PCDHGA7: variants seen among roughly 807,000 people sequenced by gnomAD.
PCDHGA7 encodes the protein protocadherin gamma subfamily A, 7, also known as protocadherin gamma-A7.
Under a neutral mutation model 58.3 loss-of-function variants are expected in PCDHGA7, and 44 were observed. The observed-to-expected ratio is 0.75, with a 90% CI of 0.59 to 0.97. The LOEUF (loss-of-function observed/expected upper bound fraction) is 0.97, where lower values mean the gene tolerates loss of function less well. PCDHGA7 is among the 50% of genes least tolerant of loss of function. The pLI is 0.00. For synonymous variants in PCDHGA7, 516 were observed against 504.2 expected (o/e 1.02, Z -0.31); for missense variants, 1,266 against 1,188.7 (o/e 1.06, Z -0.96).
rs377060474 is a variant in PCDHGA7, at chr5:141,487,810, C to A, written c.2425-6997C>A. The A allele has an allele frequency of 7.4e-4, 1,055 of 1,417,844 alleles. 13 individuals carry two copies. In the South Asian group the frequency reaches 0.013, roughly 17 times the overall value. The allele number at this position is 1,417,844 out of a possible 1,614,324, so 87.8% of individuals were successfully genotyped here. A position where few individuals can be genotyped will look rare whatever the true frequency, so the allele number is the denominator to read the frequency against. ...ATTAACCAGAGTTGTCACAGTTTAG[C>A]ATTGGGGGCGGGTCATGCCTATATC... On this transcript the variant is annotated intron_variant, in intron 1 of 3. Transcript: ENST00000518325. The surrounding 1 kb of genome is among the most constrained non-coding windows in gnomAD (Gnocchi z 5.0).
rs375166529 is a variant in PCDHGA7, at chr5:141,399,734, C to G, written c.2424+14411C>G. The G allele has an allele frequency of 3.7e-6, 6 of 1,613,220 alleles. No homozygotes were observed. The African/African-American group carries it at 4.0e-5, about 11-fold the overall frequency. ...CTACAGGCCCGCGACCAGGGCTCGC[C>G]TGCGCTCAGCGCAAACGTGAGCCTG... On this transcript the variant is annotated intron_variant, in intron 1 of 3. Transcript: ENST00000518325.
Position 141,403,510 on chromosome 5 carries a change from C to T in PCDHGA7, c.2424+18187C>T, listed in dbSNP as rs201146573. ...TCTCCCTGAACGTGCAGACTGGAGA[C>T]AATGGAGCCATAAACCCAGAGCTGG... On this transcript the variant is annotated intron_variant, in intron 1 of 3. Transcript: ENST00000518325. 9.2e-4 allele frequency: 1,478 copies of T among 1,614,022 alleles called. 1 individual carries two copies. Among genetic ancestry groups the T allele is most frequent in the Non-Finnish European group, 1.2e-3 (1,414 of 1,179,888 alleles).
chr5:141,511,823 GC>G lies in PCDHGA7; in HGVS notation c.*653del, dbSNP rs2099883963. On this transcript the variant is annotated 3_prime_UTR_variant, in exon 4 of 4. Coordinates refer to ENST00000518325, the MANE Select transcript of PCDHGA7 (RefSeq NM_018920.4). The stretch of plus-strand genomic sequence containing the variant: ...TTTTGCTACCAAGCCTCTTCCCAAC[GC>G]CCTGGGGACCAGTCTTCTGTTTTGT... The G allele has an allele frequency of 6.4e-6, 1 of 156,728 alleles. No individual in the cohort carries two copies. The highest frequency in any genetic ancestry group is 1.9e-4 in the South Asian group (1 of 5,164). 9.7% of individuals were successfully genotyped at this position (156,728 alleles called of 1,614,324 possible).
rs1375121802 is a variant in PCDHGA7 at position 141,432,471 on chromosome 5, G to A, written c.2424+47148G>A. 2 of 1,614,094 alleles carry A rather than the reference G, an allele frequency of 1.2e-6. No homozygotes were observed. Among genetic ancestry groups the A allele is most frequent in the African/African-American group, 2.7e-5 (2 of 74,946 alleles). ...CTGTACCCCGCCCTCCCCACGGACG[G>A]TTCCACTGGCGTGGAGCTGGCTCCC... is the stretch of plus-strand genomic sequence containing the variant. On this transcript the variant is annotated intron_variant, in intron 1 of 3. Coordinates refer to ENST00000518325, the MANE Select transcript of PCDHGA7 (RefSeq NM_018920.4). The surrounding 1 kb of genome is among the most constrained non-coding windows in gnomAD (Gnocchi z 6.0).
chr5:141,396,727 G>T (rs2093426642), intron 1 of PCDHGA7: 1 of 152,114 alleles, frequency 6.6e-6, no homozygotes, highest in Non-Finnish European at 1.5e-5. Flanking sequence ...TACCTGAATT[G>T]ATTGTTGTAA....
chr5:141,412,992 G>A (rs1367027301), intron 1 of PCDHGA7: 1 of 568,350 alleles, frequency 1.8e-6, no homozygotes, highest in Non-Finnish European at 3.0e-6. Flanking sequence ...AGCTCAATCC[G>A]GATTCTCAGG....
chr5:141,409,273 G>A, intron 1 of PCDHGA7: 1 of 1,613,958 alleles, frequency 6.2e-7, no homozygotes, highest in South Asian at 1.1e-5. Context: ...ATCAGATTTT[G>A]GAGAATTCAC....
Position 141,476,962 on chromosome 5 carries a change from C to T in PCDHGA7, c.2425-17845C>T. The stretch of plus-strand genomic sequence containing the variant: ...GCCCCAACGGTGAAATTATTTACTC[C>T]TTCGGCAGCCACAACCGCGCCGGCG... On this transcript the variant is annotated intron_variant, in intron 1 of 3. Coordinates refer to ENST00000518325, the MANE Select transcript of PCDHGA7 (RefSeq NM_018920.4). The surrounding 1 kb of genome is among the most constrained non-coding windows in gnomAD (Gnocchi z 7.6). 6.2e-7 allele frequency: 1 copy of T among 1,614,200 alleles called. No homozygotes were observed. Among genetic ancestry groups the T allele is most frequent in the South Asian group, 1.1e-5 (1 of 91,090 alleles).
At chr5:141,389,927 C>A (rs2091975121) in intron 1 of PCDHGA7, 2 of 1,613,944 alleles carry the variant, frequency 1.2e-6, no homozygotes, top group African/African-American at 2.7e-5. Flanking sequence ...ACCCCTCTGA[C>A]CTCCAGGCTG....
rs2099624499 is a variant in PCDHGA7, at chr5:141,486,100, C to A, written c.2425-8707C>A. The A allele has an allele frequency of 6.2e-7, 1 of 1,614,072 alleles. No homozygotes were observed. The highest frequency in any genetic ancestry group is 1.3e-5 in the African/African-American group (1 of 74,930). ...AGCTTACTCTTTTGGGGCCCCTAGA[C>A]TTTGAGAGTGAGAATTACTATGAAT... On this transcript the variant is annotated intron_variant, in intron 1 of 3. Coordinates refer to ENST00000518325, the MANE Select transcript of PCDHGA7 (RefSeq NM_018920.4). This position sits in a 1 kb window ranked among gnomAD's most constrained non-coding sequence, Gnocchi z 5.0.
intron 2 of PCDHGA7, among the ~76,000 whole-genome samples, chr5:141,496,753 A>G (rs2099771084): frequency 6.6e-6 from 1 of 152,166 alleles, no homozygotes; most frequent in Admixed American, 6.5e-5. Flanking sequence ...TTCAACAAAT[A>G]TTTATCGAGC....
At chr5:141,406,177 A>G (rs929841923) in intron 1 of PCDHGA7, among the ~76,000 whole-genome samples, 2 of 151,308 alleles carry the variant, frequency 1.3e-5, no homozygotes. Flanking sequence ...GGCTTATGCA[A>G]TCCTCCCACC....
rs780241180 is a variant in PCDHGA7, at chr5:141,490,819, C to A, written c.2425-3988C>A. On this transcript the variant is annotated intron_variant, in intron 1 of 3. Transcript: ENST00000518325. The surrounding 1 kb of genome is among the most constrained non-coding windows in gnomAD (Gnocchi z 5.4). ...CCAGCGTACCTTTGACTATGAATTGCTGCAGATGCTGCAGATTGTGGTGGG... is the reference window on the plus strand; with the variant it reads ...CCAGCGTACCTTTGACTATGAATTGATGCAGATGCTGCAGATTGTGGTGGG... 3 of 1,613,842 alleles carry A rather than the reference C, an allele frequency of 1.9e-6. No individual in the cohort carries two copies. The highest frequency in any genetic ancestry group is 2.5e-6 in the Non-Finnish European group (3 of 1,179,804).
Position 141,432,878 on chromosome 5 carries a change from TTCGTCA to T in PCDHGA7, c.2424+47558_2424+47563del. 6.2e-7 allele frequency: 1 copy of T among 1,614,178 alleles called. No individual in the cohort carries two copies. The highest frequency in any genetic ancestry group is 1.7e-5 in the Admixed American group (1 of 60,036). Reference sequence around the variant, plus strand: ...CGCGGTCTCCTGCGTCTTCCTGGCCTTCGTCATCTTGCTGCTGGCGCTCAGGCTGCG... The same window carrying T: ...CGCGGTCTCCTGCGTCTTCCTGGCCTTCTTGCTGCTGGCGCTCAGGCTGCG... On this transcript the variant is annotated intron_variant, in intron 1 of 3. Transcript: ENST00000518325. This position sits in a 1 kb window ranked among gnomAD's most constrained non-coding sequence, Gnocchi z 6.0.
chr5:141,458,018 A>G (rs1361716104), intron 1 of PCDHGA7, among the ~76,000 whole-genome samples: 1 of 152,188 alleles, frequency 6.6e-6, no homozygotes, highest in Admixed American at 6.5e-5. Flanking sequence ...GGTTTTTCCA[A>G]TTGTGTTCTG....
intron 1 of PCDHGA7, chr5:141,403,227 G>T: frequency 1.9e-6 from 3 of 1,608,966 alleles, no homozygotes; most frequent in Non-Finnish European, 2.6e-6. Context: ...AGGATAGACC[G>T]GGAGGAGCTC....
intron 1 of PCDHGA7, chr5:141,419,164 C>G: frequency 6.2e-7 from 1 of 1,613,966 alleles, no homozygotes; most frequent in Non-Finnish European, 8.5e-7. Context: ...TATCCTCCAG[C>G]AAAACCATAA....
At chr5:141,443,760 T>C (rs894568340) in intron 1 of PCDHGA7, among the ~76,000 whole-genome samples, 20 of 152,040 alleles carry the variant, frequency 1.3e-4, no homozygotes, top group African/African-American at 4.6e-4. Context: ...AAGCTTACAA[T>C]ATACAATATT....
intron 1 of PCDHGA7, chr5:141,393,035 CTT>C: frequency 6.2e-7 from 1 of 1,613,790 alleles, no homozygotes; most frequent in South Asian, 1.1e-5. Flanking sequence ...GGACGCAGCT[CTT>C]TGCTCTGAAC....
Sources: gnomAD v4.1 joint callset for allele counts (sites outside exome capture counted in the v4.1 genomes callset) on GRCh38, gnomAD v4.1.1 for gene constraint, Gnocchi (gnomAD v3.1) non-coding constraint, MANE v1.5 for transcripts, NCBI Gene and HGNC (gene_info 2026-07-23, HGNC 2026-07-21) for gene names.